The following ICE1 variants were observed in gnomAD, a reference collection of about 807,000 sequenced individuals.
ICE1 encodes little elongation complex subunit 1.
In ICE1, 64 loss-of-function variants were observed where a neutral mutation model predicts 192.7. The ratio of observed to expected loss-of-function variants is 0.33; its 90% CI spans 0.27 to 0.41. The LOEUF is 0.41. Among genes scored for constraint, ICE1 ranks in the 10% least tolerant of loss-of-function variants. ICE1 has a pLI of 1.00. For missense variants in ICE1, 2,708 were observed against 2,696.0 expected (o/e 1.00, Z -0.10); for synonymous variants, 1,010 against 984.5 (o/e 1.03, Z -0.49).
At chr5:5,469,173 A>G (rs1739081760) in intron 15 of ICE1, among the ~76,000 whole-genome samples, 185 bp downstream of exon 15, 1 of 152,252 alleles carries the variant, frequency 6.6e-6, no homozygotes, top group African/African-American at 2.4e-5. Context: ...GAGACATTCA[A>G]GGAAGAATTG....
At position 5,454,004 on chromosome 5, in the gene ICE1, G is replaced by A. The variant is rs542250629; in HGVS notation, c.605-548G>A. On this transcript the variant is annotated intron_variant, in intron 10 of 18. Transcript: ENST00000296564. ...CATATGTTCATACGCACACATTCCCGTACCGTCTCCCCTCAAGTCCATTGA... is the reference window on the plus strand; with the variant it reads ...CATATGTTCATACGCACACATTCCCATACCGTCTCCCCTCAAGTCCATTGA... Among the ~76,000 whole-genome samples, 8 of 152,158 alleles carry A rather than the reference G, an allele frequency of 5.3e-5. No homozygotes were observed. The South Asian group carries it at 8.3e-4, about 16-fold the overall frequency.
intron 12 of ICE1, 36 bp downstream of exon 12, chr5:5,457,777 G>C (rs1738633513): frequency 6.4e-7 from 1 of 1,560,340 alleles, no homozygotes; most frequent in Admixed American, 1.7e-5. Flanking sequence ...TTACCAAGTG[G>C]GTACATTGTC....
chr5:5,445,334 G>A (rs913267433), intron 7 of ICE1, among the ~76,000 whole-genome samples: 1 of 152,144 alleles, frequency 6.6e-6, no homozygotes, highest in African/African-American at 2.4e-5. Context: ...ATGATATTTT[G>A]TGTTCTAAGT....
rs199994721 is a variant in ICE1 at position 5,457,467 on chromosome 5, A to G, written c.827A>G (p.Asp276Gly). ...AAACTGTCCATGGAGATAAAGGAGG[A>G]CTTTTTATGTCAAAATGTGGAAAAA... is the stretch of plus-strand genomic sequence containing the variant. ...LTKLSMEIKE[D>G]FLCQNVEKQS... Residue 276 changes from aspartate (D) to glycine (G), a missense_variant, in exon 12 of 19, where the codon GAC becomes GGC. Asp to Gly is a moderately conservative substitution (Grantham distance 94). Transcript: ENST00000296564. 1.2e-6 allele frequency: 2 copies of G among 1,613,946 alleles called. No homozygotes were observed. The highest frequency in any genetic ancestry group is 8.5e-7 in the Non-Finnish European group (1 of 1,179,872).
In ICE1 at chr5:5,463,188, T is replaced by A. The variant is rs377635155; in HGVS notation, c.3854T>A (p.Leu1285Ter). The change falls in exon 13 of 19, where the codon TTA (leucine) becomes TAA (stop). Residue 1285 changes from leucine to a stop codon, truncating the protein, a stop_gained. Transcript: ENST00000296564. LOFTEE classifies it high-confidence loss of function. ...EDCNGKDTGS[L>*]LLLNVNNNMT... ...TGCAATGGTAAAGATACTGGCAGTT[T>A]ATTGCTCTTAAATGTAAATAACAAC... The A allele has an allele frequency of 6.2e-7, 1 of 1,611,596 alleles. No homozygotes were observed. Among genetic ancestry groups the A allele is most frequent in the Non-Finnish European group, 8.5e-7 (1 of 1,179,132 alleles).
chr5:5,449,106 C>T (rs1738337305), intron 10 of ICE1, among the ~76,000 whole-genome samples: 1 of 152,164 alleles, frequency 6.6e-6, no homozygotes, highest in Non-Finnish European at 1.5e-5. Flanking sequence ...TGTAGTTGCT[C>T]TCTCTCCCTA....
intron 17 of ICE1, among the ~76,000 whole-genome samples, chr5:5,483,706 GC>G (rs1241314429): frequency 1.3e-5 from 2 of 152,070 alleles, no homozygotes; most frequent in Non-Finnish European, 2.9e-5. Context: ...CCACCTTTCT[GC>G]CCCAAAGAGC....
At chr5:5,437,692 T>A (rs191254617) in intron 3 of ICE1, 2 of 152,502 alleles carry the variant, frequency 1.3e-5, no homozygotes, top group African/African-American at 4.8e-5. Context: ...GTGGAGTTAG[T>A]GTCTGGTCAG....
rs1247070518 is a variant in ICE1 at position 5,463,734 on chromosome 5, C to T, written c.4400C>T (p.Ala1467Val). 1.2e-6 allele frequency: 2 copies of T among 1,613,802 alleles called. No individual in the cohort carries two copies. The highest frequency in any genetic ancestry group is 1.3e-5 in the African/African-American group (1 of 74,924). The part of the protein sequence containing the change: ...LEAGCIPVTS[A>V]EKSPEASHTG... ...GCTGGTTGCATCCCAGTGACTTCTG[C>T]TGAGAAGTCCCCAGAGGCCAGTCAC... The change falls in exon 13 of 19, where the codon GCT (alanine) becomes GTT (valine). Residue 1467 changes from alanine to valine, a missense_variant. Transcript: ENST00000296564.
intron 17 of ICE1, 129 bp from the exon 18 acceptor site, chr5:5,486,591 AT>A: frequency 1.6e-6 from 1 of 640,636 alleles, no homozygotes; most frequent in Admixed American, 2.5e-5. Context: ...ATCATCTGGT[AT>A]AGGTGATTGC....
rs2111352899 is a variant in ICE1, at chr5:5,445,210, T to A, written c.424+884T>A. Among the ~76,000 whole-genome samples the A allele has an allele frequency of 1.3e-5, 2 of 152,340 alleles. 1 individual carries two copies. The highest frequency in any genetic ancestry group is 4.1e-4 in the South Asian group (2 of 4,832). On this transcript the variant is annotated intron_variant, in intron 7 of 18. Coordinates refer to ENST00000296564, the MANE Select transcript of ICE1 (RefSeq NM_015325.3). ...TAATAGTTGCGGAAAGTATTTCTAG[T>A]CACTAATTTTTCTTGATTGAACCAA...
Position 5,456,834 on chromosome 5 carries a change from C to T in ICE1, c.692-498C>T, listed in dbSNP as rs188546005. 3.1e-3 allele frequency among the ~76,000 whole-genome samples: 467 copies of T among 152,310 alleles called. 2 individuals carry two copies. Among genetic ancestry groups the T allele is most frequent in the South Asian group, 0.013 (65 of 4,818 alleles). On this transcript the variant is annotated intron_variant, in intron 11 of 18. Transcript: ENST00000296564. ...GGAACTTTTCTGTTGCATTATCATA[C>T]TGAGTATTCATAGACCTCGTCAGAT...
rs1579564799 is a variant in ICE1, at chr5:5,462,462, A to G, written c.3128A>G (p.Gln1043Arg). 1 of 1,614,018 alleles carries G rather than the reference A, an allele frequency of 6.2e-7. No homozygotes were observed. Among genetic ancestry groups the G allele is most frequent in the Non-Finnish European group, 8.5e-7 (1 of 1,179,894 alleles). The change falls in exon 13 of 19, where the codon CAA (glutamine) becomes CGA (arginine). Residue 1043 changes from glutamine to arginine, a missense_variant. Around this residue, in one of 2 missense-constraint regions of ICE1, gnomAD observed 2,366 missense variants for 2,276.6 expected, o/e 1.04. Coordinates refer to ENST00000296564, the MANE Select transcript of ICE1 (RefSeq NM_015325.3). Reference protein sequence around the residue: ...AVANDSTSTPQNANGLWKLKS... With the variant: ...AVANDSTSTPRNANGLWKLKS... ...GCAAATGATTCTACCAGCACACCAC[A>G]AAATGCTAATGGACTTTGGAAATTG...
intron 1 of ICE1, among the ~76,000 whole-genome samples, chr5:5,435,698 G>T (rs1737854646): frequency 1.0e-5 from 1 of 96,240 alleles, no homozygotes; most frequent in African/African-American, 5.1e-5. Context: ...TTTTTTTCGA[G>T]ATGGAATCTC....
intron 1 of ICE1, among the ~76,000 whole-genome samples, chr5:5,425,211 A>G (rs1435081730): frequency 6.6e-6 from 1 of 152,160 alleles, no homozygotes; most frequent in Non-Finnish European, 1.5e-5. Context: ...ACTCTAATGT[A>G]TGGCCTAGAA....
chr5:5,448,365 G>T (rs1738306525), intron 10 of ICE1, among the ~76,000 whole-genome samples: 1 of 152,126 alleles, frequency 6.6e-6, no homozygotes, highest in Non-Finnish European at 1.5e-5. Context: ...AAAGAAAAGT[G>T]GTGGTCACGG....
In ICE1 at chr5:5,462,414, CTGG is replaced by C; in HGVS notation, c.3086_3088del (p.Gly1029del). The C allele has an allele frequency of 6.2e-7, 1 of 1,614,016 alleles. No homozygotes were observed. The highest frequency in any genetic ancestry group is 8.5e-7 in the Non-Finnish European group (1 of 1,179,890). On this transcript the variant is annotated inframe_deletion, in exon 13 of 19. Transcript: ENST00000296564. ...ACCAGCTGTGGAGACACAGGGAGAT[CTGG>C]TGGTGAGGCCCTGGCTGTTGCAAAT...
Position 5,479,934 on chromosome 5 carries a change from C to T in ICE1, c.6520+3855C>T, listed in dbSNP as rs997566545. ...GGGAACATCACACACTGGGGCCTGTCGGGGCATGGGGGGTAAGGGGAGGGA... is the reference window on the plus strand; with the variant it reads ...GGGAACATCACACACTGGGGCCTGTTGGGGCATGGGGGGTAAGGGGAGGGA... On this transcript the variant is annotated intron_variant, in intron 17 of 18. Transcript: ENST00000296564. 4.0e-5 allele frequency among the ~76,000 whole-genome samples: 6 copies of T among 150,488 alleles called. No homozygotes were observed. In the South Asian group the frequency reaches 1.1e-3, roughly 27 times the overall value.
chr5:5,451,394 G>A (rs1373206197), intron 10 of ICE1, among the ~76,000 whole-genome samples: 1 of 152,068 alleles, frequency 6.6e-6, no homozygotes, highest in Non-Finnish European at 1.5e-5. Flanking sequence ...AATGAAATAG[G>A]AAACAAAGCA....
Sources: allele counts gnomAD v4.1 joint callset (sites outside exome capture counted in the v4.1 genomes callset), GRCh38; gene constraint gnomAD v4.1.1; regional missense constraint gnomAD v4.1.1; transcripts MANE v1.5; gene names NCBI Gene and HGNC (gene_info 2026-07-23, HGNC 2026-07-21).